Variants in UBE2K observed in about 807,000 individuals in gnomAD.
UBE2K encodes the protein ubiquitin conjugating enzyme E2 K, also known as ubiquitin-conjugating enzyme E2 K.
In UBE2K, 6 loss-of-function variants were observed where a neutral mutation model predicts 30.0. The observed-to-expected ratio is 0.20, with a 90% CI of 0.11 to 0.39. UBE2K has a LOEUF of 0.39. UBE2K is among the 10% of genes least tolerant of loss of function. The pLI, the probability that UBE2K is intolerant of heterozygous loss-of-function variation, is 1.00. For synonymous variants in UBE2K, 86 were observed against 83.7 expected, an observed-to-expected ratio of 1.03 and a Z score of -0.15; for missense variants, 61 against 241.6, an observed-to-expected ratio of 0.25 and a Z score of 4.96.
chr4:39,763,223 A>G (rs1388503018), intron 4 of UBE2K, among the ~76,000 whole-genome samples: 4 of 151,002 alleles, frequency 2.6e-5, no homozygotes, highest in Non-Finnish European at 4.4e-5. Context: ...GGTTAAAGGC[A>G]TGAGCCACTG....
At chr4:39,757,979 C>T (rs750808959) in intron 4 of UBE2K, among the ~76,000 whole-genome samples, 6 of 152,194 alleles carry the variant, frequency 3.9e-5, no homozygotes, top group Non-Finnish European at 8.8e-5. Flanking sequence ...CCTTTACATA[C>T]TGCAAACTCA....
rs1269382964 is a variant in UBE2K at position 39,780,594 on chromosome 4, G to C, written c.*2160G>C. 6.6e-6 allele frequency: 1 copy of C among 152,014 alleles called. No homozygotes were observed. The highest frequency in any genetic ancestry group is 1.5e-5 in the Non-Finnish European group (1 of 67,948). 9.4% of individuals were successfully genotyped at this position (152,014 alleles called of 1,614,324 possible). A position where few individuals can be genotyped will look rare whatever the true frequency, so the allele number is the denominator to read the frequency against. ...ACACTTCAGCATCCCCAGTGCCCAA[G>C]AAATTGGAAAGTACAATATTTGGTT... On this transcript the variant is annotated 3_prime_UTR_variant, in exon 7 of 7. Coordinates refer to ENST00000261427, the MANE Select transcript of UBE2K (RefSeq NM_005339.5).
chr4:39,767,063 C>A (rs1712388051), intron 4 of UBE2K, among the ~76,000 whole-genome samples: 1 of 152,052 alleles, frequency 6.6e-6, no homozygotes, highest in Non-Finnish European at 1.5e-5. Context: ...GAGTTTTTAA[C>A]TTTGATAAAA....
chr4:39,766,686 C>T (rs1712361831), intron 4 of UBE2K, among the ~76,000 whole-genome samples: 1 of 152,176 alleles, frequency 6.6e-6, no homozygotes, highest in South Asian at 2.1e-4. Context: ...GCTGGGACTA[C>T]AGGTGTGTGC....
intron 1 of UBE2K, among the ~76,000 whole-genome samples, chr4:39,734,763 A>G (rs1404197348): frequency 6.6e-6 from 1 of 152,214 alleles, no homozygotes; most frequent in African/African-American, 2.4e-5. Flanking sequence ...GTGAGCTGAG[A>G]TCGCACTGCT....
chr4:39,735,420 A>T (rs959251332), intron 1 of UBE2K, among the ~76,000 whole-genome samples: 1 of 151,988 alleles, frequency 6.6e-6, no homozygotes, highest in Non-Finnish European at 1.5e-5. Context: ...TCGTTCTGTC[A>T]CCCAGGCTGG....
In UBE2K at chr4:39,778,536, C is replaced by A; in HGVS notation, c.*102C>A. On this transcript the variant is annotated 3_prime_UTR_variant, in exon 7 of 7. Coordinates refer to ENST00000261427, the MANE Select transcript of UBE2K (RefSeq NM_005339.5). ...CATAGATTTCTTTTAAACTGGCATTCTTGCCTAATGATGTTATCTAGGCAC... is the reference window on the plus strand; with the variant it reads ...CATAGATTTCTTTTAAACTGGCATTATTGCCTAATGATGTTATCTAGGCAC... The A allele has an allele frequency of 2.8e-6, 2 of 714,994 alleles. No individual in the cohort carries two copies. Among genetic ancestry groups the A allele is most frequent in the Non-Finnish European group, 4.6e-6 (2 of 435,108 alleles). 44.3% of individuals were successfully genotyped at this position (714,994 alleles called of 1,614,324 possible). A position where few individuals can be genotyped will look rare whatever the true frequency, so the allele number is the denominator to read the frequency against.
At chr4:39,732,100 A>G (rs1720104826) in intron 1 of UBE2K, among the ~76,000 whole-genome samples, 2 of 152,244 alleles carry the variant, frequency 1.3e-5, no homozygotes, top group South Asian at 2.1e-4. Context: ...CAACATCATT[A>G]TCAAGAGTCA....
intron 1 of UBE2K, among the ~76,000 whole-genome samples, chr4:39,718,498 C>G (rs1229948561): frequency 6.6e-6 from 1 of 152,244 alleles, no homozygotes; most frequent in African/African-American, 2.4e-5. Context: ...CCCGCCAGTC[C>G]TGCGCCATGC....
At chr4:39,739,321 G>A (rs544880214) in intron 2 of UBE2K, among the ~76,000 whole-genome samples, 31 of 151,540 alleles carry the variant, frequency 2.0e-4, no homozygotes, top group African/African-American at 5.8e-4. Flanking sequence ...GTGAGCCACC[G>A]TGCCCGGCTA....
chr4:39,763,090 G>A (rs773270079), intron 4 of UBE2K, among the ~76,000 whole-genome samples: 6 of 150,030 alleles, frequency 4.0e-5, no homozygotes, highest in Non-Finnish European at 7.4e-5. Flanking sequence ...TTACAGGCAC[G>A]TGCCACCATG....
intron 5 of UBE2K, 74 bp from the exon 6 acceptor site, chr4:39,777,608 A>G: frequency 7.7e-7 from 1 of 1,297,088 alleles, no homozygotes; most frequent in Admixed American, 2.9e-5. Context: ...GTAGGATTGT[A>G]GGCGATTAAG....
rs1266440178 is a variant in UBE2K, at chr4:39,782,411, A to G, written c.*3977A>G. ...TGAAATATTATTGAAAATAATATCT[A>G]TTTTTTAGCTTTCAGCAATTGATGG... On this transcript the variant is annotated 3_prime_UTR_variant, in exon 7 of 7. Transcript: ENST00000261427. 6.5e-6 allele frequency: 1 copy of G among 153,624 alleles called. No individual in the cohort carries two copies. The highest frequency in any genetic ancestry group is 1.4e-5 in the Non-Finnish European group (1 of 69,052). The allele number at this position is 153,624 out of a possible 1,614,324, so 9.5% of individuals were successfully genotyped here. A position where few individuals can be genotyped will look rare whatever the true frequency, so the allele number is the denominator to read the frequency against.
intron 1 of UBE2K, among the ~76,000 whole-genome samples, chr4:39,719,115 A>G (rs1719279065): frequency 6.6e-6 from 1 of 152,204 alleles, no homozygotes; most frequent in East Asian, 1.9e-4. Flanking sequence ...ACAGATACAC[A>G]CTTGCATTCC....
At chr4:39,773,878 G>A (rs796714394) in intron 4 of UBE2K, among the ~76,000 whole-genome samples, 4 of 152,062 alleles carry the variant, frequency 2.6e-5, no homozygotes, top group African/African-American at 9.6e-5. Context: ...CCGAGATCGC[G>A]CCACTGCACT....
chr4:39,781,427 T>C lies in UBE2K; in HGVS notation c.*2993T>C, dbSNP rs762499750. The C allele has an allele frequency of 6.6e-6, 1 of 152,330 alleles. No homozygotes were observed. The highest frequency in any genetic ancestry group is 1.5e-5 in the Non-Finnish European group (1 of 68,138). The allele number at this position is 152,330 out of a possible 1,614,324, so 9.4% of individuals were successfully genotyped here. On this transcript the variant is annotated 3_prime_UTR_variant, in exon 7 of 7. Transcript: ENST00000261427. Reference sequence around the variant, plus strand: ...TATCTGTAAGAAAGAATTGGCAGTTTAAACGGATTTTGCTTATTTATGCAC... The same window carrying C: ...TATCTGTAAGAAAGAATTGGCAGTTCAAACGGATTTTGCTTATTTATGCAC...
intron 1 of UBE2K, among the ~76,000 whole-genome samples, chr4:39,702,542 C>A (rs533716359): frequency 2.2e-4 from 34 of 152,214 alleles, no homozygotes; most frequent in African/African-American, 8.2e-4. Context: ...GAGTGAGCTA[C>A]TGCACCTGGC....
intron 2 of UBE2K, among the ~76,000 whole-genome samples, chr4:39,740,590 C>T (rs963654004): frequency 1.3e-5 from 2 of 151,000 alleles, no homozygotes; most frequent in Admixed American, 1.3e-4. Context: ...TGGCCGAGTG[C>T]GGTGGCTCAC....
At chr4:39,750,106 A>C (rs1312590092) in intron 3 of UBE2K, among the ~76,000 whole-genome samples, 1 of 152,192 alleles carries the variant, frequency 6.6e-6, no homozygotes, top group Non-Finnish European at 1.5e-5. Context: ...AGGCAGGAGA[A>C]TCGCTTGAAC....
Sources: gnomAD v4.1 joint callset for allele counts (sites outside exome capture counted in the v4.1 genomes callset) on GRCh38, gnomAD v4.1.1 for gene constraint, MANE v1.5 for transcripts, NCBI Gene and HGNC (gene_info 2026-07-23, HGNC 2026-07-21) for gene names.